The following SMOC2 variants were observed in gnomAD, a reference collection of about 807,000 sequenced individuals.
The protein encoded by SMOC2 is SPARC related modular calcium binding 2, also known as SPARC-related modular calcium-binding protein 2.
A neutral mutation model predicts 61.4 loss-of-function variants in SMOC2; 39 were observed. The observed-to-expected ratio is 0.64, with a 90% CI of 0.49 to 0.83. The LOEUF (loss-of-function observed/expected upper bound fraction) is 0.83. Ranked by LOEUF, SMOC2 falls within the 40% of genes least tolerant of loss-of-function variation. The pLI is 0.00. For synonymous variants in SMOC2, 247 were observed against 239.9 expected, an observed-to-expected ratio of 1.03 and a Z score of -0.27; for missense variants, 556 against 592.9, an observed-to-expected ratio of 0.94 and a Z score of 0.65.
intron 2 of SMOC2, among the ~76,000 whole-genome samples, chr6:168,511,841 G>A (rs1308637443): frequency 2.5e-5 from 3 of 119,154 alleles, no homozygotes; most frequent in Non-Finnish European, 5.2e-5. Context: ...TGAAATTACA[G>A]TTTGTTCAAA....
At chr6:168,490,700 C>T (rs1782453925) in intron 1 of SMOC2, among the ~76,000 whole-genome samples, 2 of 152,214 alleles carry the variant, frequency 1.3e-5, no homozygotes, top group Admixed American at 6.5e-5. Context: ...GTGCACCTGC[C>T]ATGATGCCAG....
chr6:168,637,192 T>G (rs1786761458), intron 9 of SMOC2, among the ~76,000 whole-genome samples: 1 of 152,070 alleles, frequency 6.6e-6, no homozygotes, highest in Non-Finnish European at 1.5e-5. Context: ...CAATAGCATA[T>G]TAACCATGTC....
chr6:168,643,351 G>A (rs1187397124), intron 9 of SMOC2, among the ~76,000 whole-genome samples: 2 of 152,158 alleles, frequency 1.3e-5, no homozygotes, highest in African/African-American at 4.8e-5. Flanking sequence ...GACCTCCTGG[G>A]TTTTGGGCCC....
At chr6:168,636,860 T>TCCCACCTCCCTCCTG (rs1786738203) in intron 9 of SMOC2, among the ~76,000 whole-genome samples, 7 of 106,666 alleles carry the variant, frequency 6.6e-5, no homozygotes, top group Admixed American at 1.9e-4. Flanking sequence ...GCCTCCCTCC[T>TCCCACCTCCCTCCTG]CCCGCCTCCC....
At chr6:168,620,689 C>T (rs894463409) in intron 9 of SMOC2, among the ~76,000 whole-genome samples, 2 of 152,072 alleles carry the variant, frequency 1.3e-5, no homozygotes, top group Non-Finnish European at 2.9e-5. Context: ...TGACACTGTG[C>T]GGAGAGAGGA....
chr6:168,575,198 G>C (rs944363825), intron 7 of SMOC2, among the ~76,000 whole-genome samples: 3 of 152,178 alleles, frequency 2.0e-5, no homozygotes, highest in African/African-American at 4.8e-5. Context: ...GCTCAGCACC[G>C]AGTGGCTCGC....
intron 7 of SMOC2, among the ~76,000 whole-genome samples, chr6:168,596,335 G>A (rs1384190542): frequency 1.4e-5 from 2 of 144,622 alleles, no homozygotes; most frequent in Non-Finnish European, 3.1e-5. Context: ...ATGAACAGGT[G>A]CCATGTGAAC....
chr6:168,604,581 C>T (rs6455537), intron 8 of SMOC2, among the ~76,000 whole-genome samples: 136,514 of 152,224 alleles, frequency 0.9, 61,287 homozygotes, highest in Middle Eastern at 0.98. Flanking sequence ...GGAGATACTT[C>T]ATAGTTTTGA....
chr6:168,501,175 T>C (rs1390984349), intron 1 of SMOC2, among the ~76,000 whole-genome samples: 2 of 152,206 alleles, frequency 1.3e-5, no homozygotes, highest in African/African-American at 4.8e-5. Context: ...GGAAGAATTT[T>C]AGAATAACAG....
rs139913909 is a variant in SMOC2, at chr6:168,538,128, C to A, written c.464-5497C>A. On this transcript the variant is annotated intron_variant, in intron 4 of 12. Transcript: ENST00000356284. ...GCTGTAATCTGGGGAGTAGGGTGACCGCTGCTGGAATCTGGGGTGTGGGGT... is the reference window on the plus strand; with the variant it reads ...GCTGTAATCTGGGGAGTAGGGTGACAGCTGCTGGAATCTGGGGTGTGGGGT... Among the ~76,000 whole-genome samples the A allele has an allele frequency of 4.9e-3, 696 of 140,954 alleles. 2 individuals are homozygous for A. Among genetic ancestry groups the A allele is most frequent in the South Asian group, 0.026 (113 of 4,286 alleles). The allele number at this position is 140,954 out of a possible 152,430, so 92.5% of individuals were successfully genotyped here.
intron 7 of SMOC2, among the ~76,000 whole-genome samples, chr6:168,555,808 C>T (rs560462150): frequency 2.0e-5 from 3 of 152,278 alleles, no homozygotes; most frequent in Non-Finnish European, 2.9e-5. Flanking sequence ...TGATCCTCTA[C>T]GCCCTGAGCA....
chr6:168,600,883 G>T (rs1174827456), intron 8 of SMOC2, among the ~76,000 whole-genome samples: 1 of 152,196 alleles, frequency 6.6e-6, no homozygotes, highest in Admixed American at 6.5e-5. Context: ...CAACGTGAGG[G>T]TTTTCACAGT....
intron 9 of SMOC2, among the ~76,000 whole-genome samples, chr6:168,634,255 A>G (rs893902175): frequency 2.0e-5 from 3 of 152,100 alleles, no homozygotes; most frequent in African/African-American, 7.2e-5. Context: ...GCCTCTGTTT[A>G]CTCATTAGGA....
chr6:168,649,997 C>T (rs1787151884), intron 9 of SMOC2, among the ~76,000 whole-genome samples: 1 of 152,158 alleles, frequency 6.6e-6, no homozygotes, highest in African/African-American at 2.4e-5. Context: ...CAGGGAATTC[C>T]TAACCGGTGG....
chr6:168,605,041 G>A (rs4708759), intron 8 of SMOC2, among the ~76,000 whole-genome samples: 39,035 of 152,028 alleles, frequency 0.26, 5,199 homozygotes, highest in South Asian at 0.29. Context: ...GGTGGGAGCC[G>A]AGGGGCAAGT....
chr6:168,502,914 G>A (rs1282153285), intron 1 of SMOC2, among the ~76,000 whole-genome samples: 2 of 151,390 alleles, frequency 1.3e-5, no homozygotes, highest in African/African-American at 4.9e-5. Context: ...TTATAGGTGT[G>A]TGTCACCACG....
chr6:168,490,502 C>G (rs1782450562), intron 1 of SMOC2, among the ~76,000 whole-genome samples: 1 of 152,206 alleles, frequency 6.6e-6, no homozygotes, highest in Non-Finnish European at 1.5e-5. Context: ...CACGCCCACC[C>G]ATCTTCAAGT....
intron 9 of SMOC2, among the ~76,000 whole-genome samples, chr6:168,648,369 C>T (rs1787100539): frequency 6.6e-6 from 1 of 152,252 alleles, no homozygotes; most frequent in African/African-American, 2.4e-5. Context: ...GGCAGGGCTT[C>T]TGCCCACGTG....
chr6:168,490,321 A>G (rs1398550147), intron 1 of SMOC2, among the ~76,000 whole-genome samples: 1 of 152,214 alleles, frequency 6.6e-6, no homozygotes, highest in Non-Finnish European at 1.5e-5. Context: ...TTAGAATGAA[A>G]TATATCGGGG....
Sources: allele counts gnomAD v4.1 joint callset (sites outside exome capture counted in the v4.1 genomes callset), GRCh38; gene constraint gnomAD v4.1.1; transcripts MANE v1.5; gene names NCBI Gene and HGNC (gene_info 2026-07-23, HGNC 2026-07-21).